NAF1: variants seen among roughly 807,000 people sequenced by gnomAD.
The protein encoded by NAF1 is H/ACA ribonucleoprotein complex non-core subunit NAF1.
A neutral mutation model predicts 40.6 loss-of-function variants in NAF1; 11 were observed. The observed-to-expected ratio is 0.27, with a 90% CI of 0.17 to 0.45. NAF1 has a LOEUF of 0.45. Ranked by LOEUF, NAF1 falls within the 20% of genes least tolerant of loss-of-function variation. NAF1 has a pLI of 1.00. For synonymous variants in NAF1, 260 were observed against 228.5 expected, an observed-to-expected ratio of 1.14 and a Z score of -1.24; for missense variants, 607 against 611.1, an observed-to-expected ratio of 0.99 and a Z score of 0.07.
chr4:163,159,330 C>T (rs922940487), intron 2 of NAF1, among the ~76,000 whole-genome samples: 3 of 151,942 alleles, frequency 2.0e-5, no homozygotes, highest in African/African-American at 7.2e-5. Flanking sequence ...CAAACCATTG[C>T]TTAAATAACA....
intron 1 of NAF1, among the ~76,000 whole-genome samples, chr4:163,165,982 T>TAA (rs200992095): frequency 6.6e-5 from 10 of 151,120 alleles, no homozygotes; most frequent in Non-Finnish European, 1.2e-4. Context: ...GATGTGATGA[T>TAA]AAAAAAAAAT....
rs896584610 is a variant in NAF1 at position 163,153,617 on chromosome 4, A to T, written c.541-5183T>A. On this transcript the variant is annotated intron_variant, in intron 2 of 7. Transcript: ENST00000274054. ...AGCTGCTCTGGTGGGGCCTTGGAGA[A>T]CTGGTGTGTCAAAACTCTGTATCTA... 4.6e-5 allele frequency among the ~76,000 whole-genome samples: 7 copies of T among 152,224 alleles called. No homozygotes were observed. The East Asian group carries it at 1.4e-3, about 29-fold the overall frequency.
intron 4 of NAF1, chr4:163,142,032 C>CAT: frequency 3.2e-5 from 17 of 524,674 alleles, no homozygotes; most frequent in Non-Finnish European, 3.9e-5. Context: ...ACACTAATAG[C>CAT]ATCACAAATT....
At chr4:163,147,633 C>T (rs993511098) in intron 3 of NAF1, among the ~76,000 whole-genome samples, 1 of 151,946 alleles carries the variant, frequency 6.6e-6, no homozygotes, top group Admixed American at 6.5e-5. Context: ...AGAATGGCTC[C>T]CCAAGAGATA....
At chr4:163,147,772 A>C (rs1019075354) in intron 3 of NAF1, among the ~76,000 whole-genome samples, 11 of 152,202 alleles carry the variant, frequency 7.2e-5, no homozygotes, top group Non-Finnish European at 1.5e-4. Context: ...CAATCTAAAA[A>C]GTCTTTAAAA....
intron 2 of NAF1, among the ~76,000 whole-genome samples, chr4:163,113,763 T>G (rs1457406712): frequency 6.6e-6 from 1 of 152,222 alleles, no homozygotes; most frequent in Non-Finnish European, 1.5e-5. Flanking sequence ...TTATTCTTTA[T>G]TCCCACAATA....
chr4:163,114,730 CT>C (rs1730273379), intron 2 of NAF1, among the ~76,000 whole-genome samples: 2 of 151,994 alleles, frequency 1.3e-5, no homozygotes, highest in South Asian at 4.1e-4. Flanking sequence ...TTATGTTGTC[CT>C]CACAAATGGG....
intron 1 of NAF1, among the ~76,000 whole-genome samples, chr4:163,165,030 A>G (rs550017875): frequency 6.6e-6 from 1 of 152,252 alleles, no homozygotes; most frequent in Non-Finnish European, 1.5e-5. Flanking sequence ...TTTCGCTACT[A>G]CTTTCATGGA....
intron 2 of NAF1, among the ~76,000 whole-genome samples, chr4:163,163,657 G>A (rs531937095): frequency 6.8e-6 from 1 of 147,346 alleles, no homozygotes; most frequent in African/African-American, 2.6e-5. Context: ...AACCTATCGA[G>A]TGCCAATAAA....
At chr4:163,143,527 C>G (rs367769457) in intron 4 of NAF1, among the ~76,000 whole-genome samples, 14 of 152,178 alleles carry the variant, frequency 9.2e-5, no homozygotes, top group Non-Finnish European at 1.8e-4. Context: ...CTCTCCTCCC[C>G]CTCTCCACAC....
downstream of NAF1, chr4:163,108,749 ACT>A (rs1579109597): frequency 6.6e-6 from 1 of 151,934 alleles, no homozygotes; most frequent in African/African-American, 2.4e-5. Flanking sequence ...GCAAAAATAC[ACT>A]CTCTAATGTA....
At chr4:163,145,343 C>T (rs1731418930) in intron 4 of NAF1, among the ~76,000 whole-genome samples, 1 of 152,072 alleles carries the variant, frequency 6.6e-6, no homozygotes, top group Admixed American at 6.5e-5. Context: ...GAAAAGATTC[C>T]ACACCGAGCT....
At chr4:163,128,494 A>T (rs1301275274), downstream of NAF1, among the ~76,000 whole-genome samples, 1 of 152,054 alleles carries the variant, frequency 6.6e-6, no homozygotes, top group Non-Finnish European at 1.5e-5. Flanking sequence ...ATAAATTTAT[A>T]AAAATAGTTT....
intron 2 of NAF1, 144 bp from the exon 3 acceptor site, chr4:163,148,578 T>C (rs775800607): frequency 1.8e-5 from 10 of 567,810 alleles, no homozygotes; most frequent in South Asian, 1.3e-4. Flanking sequence ...ATTTTAGTGG[T>C]TGCAGACTTG....
At chr4:163,149,681 T>C (rs1579170169) in intron 2 of NAF1, among the ~76,000 whole-genome samples, 1 of 152,150 alleles carries the variant, frequency 6.6e-6, no homozygotes, top group Non-Finnish European at 1.5e-5. Context: ...CACTTGCCCT[T>C]TCATCATATT....
intron 3 of NAF1, 54 bp downstream of exon 3, chr4:163,148,287 C>A: frequency 9.3e-7 from 1 of 1,078,710 alleles, no homozygotes; most frequent in Non-Finnish European, 1.3e-6. Context: ...GTCATTGATT[C>A]AATTATTAGT....
intron 2 of NAF1, among the ~76,000 whole-genome samples, chr4:163,163,605 C>T (rs1732318675): frequency 6.8e-6 from 1 of 147,360 alleles, no homozygotes; most frequent in Non-Finnish European, 1.5e-5. Flanking sequence ...ATGTTTACAG[C>T]ATAAGAGGAA....
At chr4:163,128,648 G>A (rs1264123616), downstream of NAF1, 13 of 896,286 alleles carry the variant, frequency 1.5e-5, no homozygotes, top group Non-Finnish European at 1.8e-5. Flanking sequence ...GGGTTGGGAG[G>A]GAGAAGGCAT....
intron 2 of NAF1, among the ~76,000 whole-genome samples, chr4:163,154,625 C>G (rs1205143125): frequency 6.6e-6 from 1 of 152,166 alleles, no homozygotes; most frequent in Non-Finnish European, 1.5e-5. Context: ...GTAATCCCAG[C>G]ACTTTGGGAG....
Sources: gnomAD v4.1 joint callset for allele counts (sites outside exome capture counted in the v4.1 genomes callset) on GRCh38, gnomAD v4.1.1 for gene constraint, MANE v1.5 for transcripts, NCBI Gene and HGNC (gene_info 2026-07-23, HGNC 2026-07-21) for gene names.